OLFM3: variants seen among roughly 807,000 people sequenced by gnomAD.
OLFM3 encodes the protein olfactomedin 3.
In OLFM3, 20 loss-of-function variants were observed where a neutral mutation model predicts 48.6. The ratio of observed to expected loss-of-function variants is 0.41; its 90% CI spans 0.29 to 0.60. The LOEUF (loss-of-function observed/expected upper bound fraction) is 0.60, where lower values mean the gene tolerates loss of function less well. Ranked by LOEUF, OLFM3 falls within the 20% of genes least tolerant of loss-of-function variation. OLFM3 has a pLI of 0.28. For missense variants in OLFM3, 437 were observed against 544.3 expected, an observed-to-expected ratio of 0.80 and a Z score of 1.96; for synonymous variants, 222 against 198.1, an observed-to-expected ratio of 1.12 and a Z score of -1.01.
chr1:101,804,830 C>T lies in OLFM3; in HGVS notation c.785G>A (p.Arg262Lys), dbSNP rs2100857298. The T allele has an allele frequency of 6.2e-7, 1 of 1,612,462 alleles. No individual in the cohort carries two copies. Among genetic ancestry groups the T allele is most frequent in the East Asian group, 2.2e-5 (1 of 44,820 alleles). ...CCACTTGAAAGGAAGGTTGTATGTC[C>T]TTGATTCAGCCCCACTGACAAAGTC... Reference protein sequence around the residue: ...IADFVSGAESRTYNLPFKWAG... With the variant: ...IADFVSGAESKTYNLPFKWAG... The change falls in exon 6 of 6, where the codon AGG becomes AAG. Residue 262 changes from arginine (R) to lysine (K), a missense_variant. Transcript: ENST00000370103. The surrounding 1 kb of genome is among the most constrained non-coding windows in gnomAD (Gnocchi z 4.5).
intron 1 of OLFM3, among the ~76,000 whole-genome samples, chr1:101,933,614 C>T (rs1659523542): frequency 6.6e-6 from 1 of 152,174 alleles, no homozygotes; most frequent in Non-Finnish European, 1.5e-5. Context: ...ATGCAGAGAA[C>T]CCTTGTGAGG....
chr1:101,919,228 C>CT (rs1256395155), intron 1 of OLFM3, among the ~76,000 whole-genome samples: 1 of 152,032 alleles, frequency 6.6e-6, no homozygotes, highest in Non-Finnish European at 1.5e-5. Flanking sequence ...TCTTTAAATA[C>CT]TTTATAAAAT....
chr1:101,904,055 C>T lies in OLFM3; in HGVS notation c.70-67030G>A, dbSNP rs1658477814. ...CAAAACCAAACTTTTTCAAACCTTGCCTTTTCCATAACAACTATTATTTAC... is the reference window on the plus strand; with the variant it reads ...CAAAACCAAACTTTTTCAAACCTTGTCTTTTCCATAACAACTATTATTTAC... On this transcript the variant is annotated intron_variant, in intron 1 of 5. Coordinates refer to ENST00000370103, the MANE Select transcript of OLFM3 (RefSeq NM_058170.4). Among the ~76,000 whole-genome samples the T allele has an allele frequency of 2.6e-5, 4 of 152,114 alleles. No homozygotes were observed. In the South Asian group the frequency reaches 8.3e-4, roughly 32 times the overall value.
At chr1:101,933,857 G>A (rs897498144) in intron 1 of OLFM3, among the ~76,000 whole-genome samples, 1 of 152,094 alleles carries the variant, frequency 6.6e-6, no homozygotes, top group Admixed American at 6.6e-5. Context: ...TTTGTATCAG[G>A]CCAAACTAAG....
chr1:101,856,228 G>C (rs1050704258), intron 1 of OLFM3, among the ~76,000 whole-genome samples: 2 of 151,928 alleles, frequency 1.3e-5, no homozygotes, highest in Non-Finnish European at 2.9e-5. Context: ...TAAAGATCTG[G>C]TGTTGAAATA....
chr1:101,821,759 T>G (rs1470599996), intron 4 of OLFM3, among the ~76,000 whole-genome samples: 2 of 152,154 alleles, frequency 1.3e-5, no homozygotes, highest in Non-Finnish European at 2.9e-5. Context: ...TTTTCAGTAT[T>G]TTATAAAGTC....
chr1:101,857,575 G>A (rs531088287), intron 1 of OLFM3, among the ~76,000 whole-genome samples: 99 of 151,630 alleles, frequency 6.5e-4, no homozygotes, highest in Non-Finnish European at 1.0e-3. Flanking sequence ...CATTCCACCC[G>A]CTCCCCATGC....
chr1:101,856,380 CT>C (rs979731840), intron 1 of OLFM3, among the ~76,000 whole-genome samples: 2 of 151,884 alleles, frequency 1.3e-5, no homozygotes, highest in Admixed American at 6.6e-5. Context: ...TTAAATTGCG[CT>C]TTTTGGCTTC....
At chr1:101,986,925 CA>C (rs1372560326) in intron 1 of OLFM3, among the ~76,000 whole-genome samples, 3 of 152,150 alleles carry the variant, frequency 2.0e-5, no homozygotes, top group Admixed American at 6.5e-5. Context: ...TACATATTGA[CA>C]AATGAATCAT....
At chr1:101,929,706 A>G (rs1165977923) in intron 1 of OLFM3, among the ~76,000 whole-genome samples, 1 of 152,160 alleles carries the variant, frequency 6.6e-6, no homozygotes, top group Non-Finnish European at 1.5e-5. Flanking sequence ...GCCACACAAA[A>G]TAAATTAAAT....
chr1:101,883,551 C>T (rs1281535626), intron 1 of OLFM3, among the ~76,000 whole-genome samples: 1 of 151,782 alleles, frequency 6.6e-6, no homozygotes, highest in Non-Finnish European at 1.5e-5. Context: ...GTGACATACC[C>T]TTAATGTCCT....
At chr1:101,970,874 C>T (rs911635171) in intron 1 of OLFM3, among the ~76,000 whole-genome samples, 2 of 152,092 alleles carry the variant, frequency 1.3e-5, no homozygotes, top group East Asian at 1.9e-4. Flanking sequence ...AGGGATAGCG[C>T]GTACATAATA....
intron 1 of OLFM3, among the ~76,000 whole-genome samples, chr1:101,876,924 C>T (rs1657324792): frequency 6.6e-6 from 1 of 151,876 alleles, no homozygotes; most frequent in East Asian, 1.9e-4. Context: ...TTATCTAGCT[C>T]TGTCACCCTC....
At chr1:101,912,672 G>A (rs1056914756) in intron 1 of OLFM3, among the ~76,000 whole-genome samples, 8 of 152,120 alleles carry the variant, frequency 5.3e-5, no homozygotes, top group Non-Finnish European at 1.2e-4. Context: ...CTTCAAATAC[G>A]ACGTCTTCCA....
intron 1 of OLFM3, among the ~76,000 whole-genome samples, chr1:101,955,349 T>C (rs940785425): frequency 2.6e-5 from 4 of 152,014 alleles, no homozygotes; most frequent in East Asian, 3.8e-4. Flanking sequence ...AATTATGATA[T>C]ATCTAATTCT....
intron 1 of OLFM3, among the ~76,000 whole-genome samples, chr1:101,876,391 G>T (rs1017694058): frequency 5.9e-5 from 9 of 151,858 alleles, no homozygotes; most frequent in Non-Finnish European, 1.3e-4. Flanking sequence ...GAGAAAAGAT[G>T]GCTATTGGGC....
chr1:101,803,274 TG>T lies in OLFM3; in HGVS notation c.*963del, dbSNP rs1653579105. 1 of 152,140 alleles carries T rather than the reference TG, an allele frequency of 6.6e-6. No homozygotes were observed. The highest frequency in any genetic ancestry group is 1.5e-5 in the Non-Finnish European group (1 of 67,754). 9.4% of individuals were successfully genotyped at this position (152,140 alleles called of 1,614,324 possible). The stretch of plus-strand genomic sequence containing the variant: ...AATTAAATGCTAGTACATTTAACTA[TG>T]AAGAACAAAATTTCTTTAGTGTATA... On this transcript the variant is annotated 3_prime_UTR_variant, in exon 6 of 6. Transcript: ENST00000370103.
intron 1 of OLFM3, among the ~76,000 whole-genome samples, chr1:101,852,735 A>G (rs1160040245): frequency 6.6e-6 from 1 of 152,118 alleles, no homozygotes; most frequent in African/African-American, 2.4e-5. Flanking sequence ...AACAACAAAA[A>G]TACACATGCA....
chr1:101,981,158 A>T (rs1196440034), intron 1 of OLFM3, among the ~76,000 whole-genome samples: 2 of 152,076 alleles, frequency 1.3e-5, no homozygotes, highest in Non-Finnish European at 2.9e-5. Context: ...TTTTCAGGAC[A>T]TTATTCTTTT....
Sources: gnomAD v4.1 joint callset for allele counts (sites outside exome capture counted in the v4.1 genomes callset) on GRCh38, gnomAD v4.1.1 for gene constraint, Gnocchi (gnomAD v3.1) non-coding constraint, MANE v1.5 for transcripts, NCBI Gene and HGNC (gene_info 2026-07-23, HGNC 2026-07-21) for gene names.